RASSF5: variants seen among roughly 807,000 people sequenced by gnomAD.
The protein encoded by RASSF5 is Ras association domain family member 5.
RASSF5 carries 25 observed loss-of-function variants against 40.5 expected under a neutral mutation model. The ratio of observed to expected loss-of-function variants is 0.62; its 90% CI spans 0.45 to 0.86. The LOEUF is 0.86. Ranked by LOEUF, RASSF5 falls within the 40% of genes least tolerant of loss-of-function variation. The pLI is 0.00. For missense variants in RASSF5, 521 were observed against 572.8 expected (o/e 0.91, Z 0.92); for synonymous variants, 246 against 252.4 (o/e 0.97, Z 0.24).
At chr1:206,539,471 G>C (rs1262369004) in intron 2 of RASSF5, among the ~76,000 whole-genome samples, 1 of 152,016 alleles carries the variant, frequency 6.6e-6, no homozygotes, top group African/African-American at 2.4e-5. Context: ...ATTCACCATG[G>C]GTGTTACCAG....
chr1:206,571,544 T>C (rs1436894427), intron 2 of RASSF5: 1 of 152,184 alleles, frequency 6.6e-6, no homozygotes, highest in African/African-American at 2.4e-5. Flanking sequence ...GGTGTGCTCA[T>C]AGTCTAATGA....
At position 206,586,827 on chromosome 1, in the gene RASSF5, G is replaced by C. The variant is rs1553407747; in HGVS notation, c.1106G>C (p.Trp369Ser). 6.2e-7 allele frequency: 1 copy of C among 1,613,068 alleles called. No individual in the cohort carries two copies. Among genetic ancestry groups the C allele is most frequent in the South Asian group, 1.1e-5 (1 of 91,042 alleles). The change falls in exon 6 of 6, where the codon TGG (tryptophan) becomes TCG (serine). Residue 369 changes from tryptophan to serine, a missense_variant and splice_region_variant. Coordinates refer to ENST00000579436, the MANE Select transcript of RASSF5 (RefSeq NM_182663.4). Reference protein sequence around the residue: ...LKENETGEVEWDAFSIPELQN... With the variant: ...LKENETGEVESDAFSIPELQN... ...ACAAATCTCCCTCTCGCCTCACAGT[G>C]GGATGCCTTCTCCATCCCTGAACTT...
chr1:206,517,216 G>A lies in RASSF5; in HGVS notation c.457+9157G>A, dbSNP rs1362268162. 2.6e-5 allele frequency among the ~76,000 whole-genome samples: 4 copies of A among 152,206 alleles called. 1 individual carries two copies. Among genetic ancestry groups the A allele is most frequent in the Admixed American group, 2.6e-4 (4 of 15,280 alleles). On this transcript the variant is annotated intron_variant, in intron 1 of 5. Coordinates refer to ENST00000579436, the MANE Select transcript of RASSF5 (RefSeq NM_182663.4). Reference sequence around the variant, plus strand: ...TGCTGGGCATGGAGGCTTCACCCCTGTAATCCCAGCACTTTGGGAGACTGA... The same window carrying A: ...TGCTGGGCATGGAGGCTTCACCCCTATAATCCCAGCACTTTGGGAGACTGA...
At chr1:206,514,339 C>T (rs748685797) in intron 1 of RASSF5, among the ~76,000 whole-genome samples, 55 of 152,176 alleles carry the variant, frequency 3.6e-4, no homozygotes, top group Non-Finnish European at 6.2e-4. Flanking sequence ...ACTGCCCTGG[C>T]CCCATTTGAG....
chr1:206,511,291 C>G (rs1460207712), intron 1 of RASSF5, among the ~76,000 whole-genome samples: 1 of 152,168 alleles, frequency 6.6e-6, no homozygotes, highest in African/African-American at 2.4e-5. Context: ...AGGGAATGGT[C>G]AACAGCAAAT....
chr1:206,525,425 T>G (rs1667074409), intron 1 of RASSF5, among the ~76,000 whole-genome samples: 1 of 152,140 alleles, frequency 6.6e-6, no homozygotes, highest in Non-Finnish European at 1.5e-5. Flanking sequence ...TCTTATTTTT[T>G]AGAGATAGGG....
In RASSF5 at chr1:206,552,927, G is replaced by A. The variant is rs1245511165; in HGVS notation, c.579+14634G>A. On this transcript the variant is annotated intron_variant, in intron 2 of 5. Transcript: ENST00000579436. The surrounding 1 kb of genome is among the most constrained non-coding windows in gnomAD (Gnocchi z 4.1). ...CTGAAGAAAGTGCTCAGTAAGGCTG[G>A]GCGCGGTGGCTCACACCTGTAATCC... Among the ~76,000 whole-genome samples, 4 of 152,156 alleles carry A rather than the reference G, an allele frequency of 2.6e-5. No homozygotes were observed. The highest frequency in any genetic ancestry group is 7.2e-5 in the African/African-American group (3 of 41,406).
intron 2 of RASSF5, among the ~76,000 whole-genome samples, chr1:206,553,731 G>C (rs553344480): frequency 8.5e-5 from 13 of 152,200 alleles, no homozygotes; most frequent in Non-Finnish European, 1.9e-4. Context: ...GAAGACCCCA[G>C]GAAGCTGAAA....
chr1:206,543,158 G>A (rs1179891727), intron 2 of RASSF5: 1 of 150,866 alleles, frequency 6.6e-6, no homozygotes, highest in Non-Finnish European at 1.5e-5. Context: ...GGAGGCTACA[G>A]TGAGCTATGA....
At position 206,521,847 on chromosome 1, in the gene RASSF5, G is replaced by T. The variant is rs116303696; in HGVS notation, c.457+13788G>T. Among the ~76,000 whole-genome samples, 906 of 152,296 alleles carry T rather than the reference G, an allele frequency of 5.9e-3. 8 individuals carry two copies. Among genetic ancestry groups the T allele is most frequent in the African/African-American group, 0.02 (837 of 41,562 alleles). Reference sequence around the variant, plus strand: ...GAGGGCCCAGAGCCCAGGGCTGGGAGACCTCTGCTGCTTTGTCTCTCTTAC... The same window carrying T: ...GAGGGCCCAGAGCCCAGGGCTGGGATACCTCTGCTGCTTTGTCTCTCTTAC... On this transcript the variant is annotated intron_variant, in intron 1 of 5. Coordinates refer to ENST00000579436, the MANE Select transcript of RASSF5 (RefSeq NM_182663.4).
chr1:206,508,761 G>C (rs986876411), intron 1 of RASSF5, among the ~76,000 whole-genome samples: 29 of 151,852 alleles, frequency 1.9e-4, no homozygotes, highest in African/African-American at 6.5e-4. Context: ...TGCCCTAGTC[G>C]TCATGCTCTA....
intron 2 of RASSF5, chr1:206,557,747 G>T: frequency 6.3e-7 from 1 of 1,587,114 alleles, no homozygotes; most frequent in Non-Finnish European, 8.6e-7. Flanking sequence ...TAACCTCTGT[G>T]GTCAATCTAG....
intron 2 of RASSF5, among the ~76,000 whole-genome samples, chr1:206,581,672 G>GAAAAGAAA (rs1553406365): frequency 2.0e-5 from 3 of 151,288 alleles, no homozygotes; most frequent in African/African-American, 7.3e-5. Flanking sequence ...AAGGAAGGAA[G>GAAAAGAAA]GAAAGAAAGA....
At chr1:206,559,527 G>A (rs1186158363) in intron 2 of RASSF5, among the ~76,000 whole-genome samples, 2 of 152,178 alleles carry the variant, frequency 1.3e-5, no homozygotes, top group Non-Finnish European at 2.9e-5. Flanking sequence ...TTCCTCACCT[G>A]CCTCCAGAAA....
Position 206,539,599 on chromosome 1 carries a change from A to AAACTC in RASSF5, c.579+1307_579+1311dup, listed in dbSNP as rs1292309146. On this transcript the variant is annotated intron_variant, in intron 2 of 5. Coordinates refer to ENST00000579436, the MANE Select transcript of RASSF5 (RefSeq NM_182663.4). ...GATTAGTTCTAAAATGTATATTTTAAAACTCTGCACATCGCTCCACAGACG... is the reference window on the plus strand; with the variant it reads ...GATTAGTTCTAAAATGTATATTTTAAAACTCAACTCTGCACATCGCTCCACAGACG... Among the ~76,000 whole-genome samples the AAACTC allele has an allele frequency of 5.3e-5, 8 of 152,344 alleles. No homozygotes were observed. The East Asian group carries it at 1.5e-3, about 29-fold the overall frequency.
At chr1:206,558,625 G>A (rs1453746688) in intron 2 of RASSF5, among the ~76,000 whole-genome samples, 1 of 152,108 alleles carries the variant, frequency 6.6e-6, no homozygotes, top group South Asian at 2.1e-4. Context: ...TGACTCTGAG[G>A]CCTCCTTTGT....
At chr1:206,547,192 C>T (rs1305569951) in intron 2 of RASSF5, among the ~76,000 whole-genome samples, 4 of 152,152 alleles carry the variant, frequency 2.6e-5, no homozygotes, top group African/African-American at 9.7e-5. Context: ...ACCTTTGTAC[C>T]ATTCTTGTCC....
rs1667466655 is a variant in RASSF5 at position 206,538,255 on chromosome 1, C to A, written c.541C>A (p.Pro181Thr). The A allele has an allele frequency of 1.2e-6, 2 of 1,614,112 alleles. No individual in the cohort carries two copies. Among genetic ancestry groups the A allele is most frequent in the Middle Eastern group, 3.3e-4 (2 of 5,994 alleles). The change falls in exon 2 of 6, where the codon CCC becomes ACC. Residue 181 changes from proline to threonine, a missense_variant. Transcript: ENST00000579436. ...GCAGGAGGGTTTATCCCGGGACAGA[C>A]CCTCTCCAGAAAGCACCCTCACCGT... ...SQQEGLSRDR[P>T]SPESTLTVTF... is the part of the protein sequence containing the mutation.
chr1:206,571,149 T>C (rs1266347787), intron 2 of RASSF5: 7 of 152,216 alleles, frequency 4.6e-5, no homozygotes, highest in Admixed American at 3.3e-4. Flanking sequence ...CATGAAATGG[T>C]ATCTCACTGT....
Sources: allele counts gnomAD v4.1 joint callset (sites outside exome capture counted in the v4.1 genomes callset), GRCh38; gene constraint gnomAD v4.1.1; non-coding constraint Gnocchi (gnomAD v3.1); transcripts MANE v1.5; gene names NCBI Gene and HGNC (gene_info 2026-07-23, HGNC 2026-07-21).